NCOA2: variants seen among roughly 807,000 people sequenced by gnomAD.
NCOA2 encodes class E basic helix-loop-helix protein 75.
Under a neutral mutation model 145.1 loss-of-function variants are expected in NCOA2, and 21 were observed. The observed-to-expected ratio is 0.14, with a 90% CI of 0.10 to 0.21. NCOA2 has a LOEUF of 0.21. Ranked by LOEUF, NCOA2 falls within the 10% of genes least tolerant of loss-of-function variation. The pLI is 1.00. For synonymous variants in NCOA2, 619 were observed against 637.5 expected, an observed-to-expected ratio of 0.97 and a Z score of 0.44; for missense variants, 1,472 against 1,837.6, an observed-to-expected ratio of 0.80 and a Z score of 3.64.
intron 21 of NCOA2, among the ~76,000 whole-genome samples, chr8:70,122,708 T>C (rs897062854): frequency 1.3e-5 from 2 of 152,258 alleles, no homozygotes; most frequent in Non-Finnish European, 2.9e-5. Flanking sequence ...CACTTTCCAT[T>C]TTTATTAATC....
chr8:70,132,888 C>T (rs1809303920), intron 15 of NCOA2, among the ~76,000 whole-genome samples: 1 of 152,078 alleles, frequency 6.6e-6, no homozygotes, highest in Non-Finnish European at 1.5e-5. Flanking sequence ...TTAAAACCCT[C>T]AAGAAGTGTA....
intron 1 of NCOA2, among the ~76,000 whole-genome samples, chr8:70,373,234 G>A (rs1215290718): frequency 6.6e-6 from 1 of 152,126 alleles, no homozygotes; most frequent in Non-Finnish European, 1.5e-5. Context: ...GATCTAATTT[G>A]CTTCATAGTC....
intron 22 of NCOA2, among the ~76,000 whole-genome samples, chr8:70,119,752 T>C (rs560852570): frequency 1.3e-5 from 2 of 152,348 alleles, no homozygotes; most frequent in South Asian, 4.1e-4. Flanking sequence ...TGGGGTAAGA[T>C]GGTATCTCCT....
chr8:70,446,822 A>G, the NCOA2 span, among the ~76,000 whole-genome samples: 3 of 152,366 alleles, frequency 2.0e-5, no homozygotes, highest in South Asian at 6.2e-4. Flanking sequence ...ATGCCATTTA[A>G]CACAACCTTT....
chr8:70,403,024 G>T (rs1814498304), intron 1 of NCOA2, among the ~76,000 whole-genome samples: 2 of 146,532 alleles, frequency 1.4e-5, no homozygotes, highest in Non-Finnish European at 1.5e-5. Flanking sequence ...CCACCCGCCG[G>T]GCCGCGGCTC....
chr8:70,186,484 AC>A (rs946554816), intron 4 of NCOA2, among the ~76,000 whole-genome samples: 5 of 152,150 alleles, frequency 3.3e-5, no homozygotes, highest in Admixed American at 1.3e-4. Context: ...GCTGCGAGGG[AC>A]AAAGCTGTTA....
chr8:70,409,676 C>T, the NCOA2 span, among the ~76,000 whole-genome samples: 3 of 152,004 alleles, frequency 2.0e-5, no homozygotes, highest in African/African-American at 7.3e-5. Flanking sequence ...TCAAGACTAG[C>T]CTGGGCAACA....
intron 1 of NCOA2, among the ~76,000 whole-genome samples, chr8:70,389,769 T>C (rs920208449): frequency 3.3e-5 from 5 of 150,554 alleles, no homozygotes; most frequent in Non-Finnish European, 5.9e-5. Context: ...CCCAGGTTCA[T>C]GCGATTCTCC....
the NCOA2 span, among the ~76,000 whole-genome samples, chr8:70,436,098 C>A: frequency 2.0e-5 from 3 of 152,062 alleles, no homozygotes; most frequent in African/African-American, 7.2e-5. Context: ...AAAAGTAATT[C>A]TTTCCCCAAA....
At chr8:70,177,618 T>G (rs1286643511) in intron 4 of NCOA2, among the ~76,000 whole-genome samples, 1 of 152,188 alleles carries the variant, frequency 6.6e-6, no homozygotes, top group African/African-American at 2.4e-5. Context: ...TCCTAAAAAC[T>G]GGTCTTAAAT....
At chr8:70,426,532 G>C in the NCOA2 span, among the ~76,000 whole-genome samples, 1 of 152,296 alleles carries the variant, frequency 6.6e-6, no homozygotes, top group South Asian at 2.1e-4. Context: ...TTAAGTTAAA[G>C]GCAGGCACTG....
At chr8:70,425,274 T>C in the NCOA2 span, among the ~76,000 whole-genome samples, 10 of 151,914 alleles carry the variant, frequency 6.6e-5, no homozygotes, top group Admixed American at 5.9e-4. Context: ...CTCCCCTTTA[T>C]TTTTTTTAAT....
the NCOA2 span, among the ~76,000 whole-genome samples, chr8:70,435,942 G>A: frequency 0.096 from 14,625 of 152,058 alleles, 957 homozygotes; most frequent in Middle Eastern, 0.2. Context: ...AGGACTACAG[G>A]TGCGTGCCAC....
intron 22 of NCOA2, among the ~76,000 whole-genome samples, chr8:70,117,024 G>A (rs1453536382): frequency 6.6e-6 from 1 of 152,220 alleles, no homozygotes; most frequent in Non-Finnish European, 1.5e-5. Context: ...CCTGAAAGAC[G>A]CCTTTGCTGG....
intron 1 of NCOA2, among the ~76,000 whole-genome samples, chr8:70,372,914 C>G (rs1811346542): frequency 1.3e-5 from 2 of 152,188 alleles, no homozygotes; most frequent in Non-Finnish European, 2.9e-5. Context: ...ATTTTTGAGA[C>G]TCATCCATAT....
intron 4 of NCOA2, among the ~76,000 whole-genome samples, chr8:70,198,888 G>A (rs1043209025): frequency 6.6e-6 from 1 of 152,112 alleles, no homozygotes; most frequent in African/African-American, 2.4e-5. Flanking sequence ...GGCACCTGTG[G>A]AACACCCCTG....
chr8:70,451,217 CAAAAAAAA>C, the NCOA2 span, among the ~76,000 whole-genome samples: 6 of 65,336 alleles, frequency 9.2e-5, no homozygotes, highest in African/African-American at 3.6e-4. Flanking sequence ...GACTCCGTCT[CAAAAAAAA>C]AAAAAAAAAA....
intron 1 of NCOA2, among the ~76,000 whole-genome samples, chr8:70,317,932 C>CAA (rs148158247): frequency 3.3e-5 from 5 of 149,374 alleles, no homozygotes; most frequent in African/African-American, 4.9e-5. Context: ...CTCTAAAAAA[C>CAA]AAAAAAAAAT....
chr8:70,354,553 C>T (rs1355884564), intron 1 of NCOA2, among the ~76,000 whole-genome samples: 1 of 152,162 alleles, frequency 6.6e-6, no homozygotes, highest in African/African-American at 2.4e-5. Flanking sequence ...GAAACTCATA[C>T]AAAAATTTGA....
Sources: allele counts gnomAD v4.1 joint callset (sites outside exome capture counted in the v4.1 genomes callset), GRCh38; gene constraint gnomAD v4.1.1; transcripts MANE v1.5; gene names NCBI Gene and HGNC (gene_info 2026-07-23, HGNC 2026-07-21).